The following ZC3H12B variants were observed in gnomAD, a reference collection of about 807,000 sequenced individuals.
ZC3H12B encodes probable ribonuclease ZC3H12B.
A neutral mutation model predicts 43.9 loss-of-function variants in ZC3H12B; 7 were observed. The observed-to-expected ratio is 0.16, with a 90% CI of 0.09 to 0.30. The LOEUF is 0.30. Among genes scored for constraint, ZC3H12B ranks in the 10% least tolerant of loss-of-function variants. The pLI is 1.00. For missense variants in ZC3H12B, 475 were observed against 670.2 expected, an observed-to-expected ratio of 0.71 and a Z score of 3.22; for synonymous variants, 222 against 241.7, an observed-to-expected ratio of 0.92 and a Z score of 0.76.
chrX:65,213,138 A>G, the ZC3H12B span, among the ~76,000 whole-genome samples: 1 of 109,292 alleles, frequency 9.1e-6, no homozygotes, highest in Non-Finnish European at 1.9e-5. Context: ...CTGTGCATAT[A>G]TTATAAAATT....
At chrX:65,398,992 G>A (rs1341424952) in intron 3 of ZC3H12B, among the ~76,000 whole-genome samples, 1 of 111,960 alleles carries the variant, frequency 8.9e-6, no homozygotes, top group African/African-American at 3.2e-5. Flanking sequence ...AATGAAATTA[G>A]ATCCCGGTCT....
At chrX:65,270,532 G>C in the ZC3H12B span, among the ~76,000 whole-genome samples, 1 of 110,903 alleles carries the variant, frequency 9.0e-6, no homozygotes, top group Non-Finnish European at 1.9e-5. Flanking sequence ...ATAAATAAAT[G>C]GGACTACCTC....
chrX:65,293,674 G>A, the ZC3H12B span, among the ~76,000 whole-genome samples: 3 of 109,697 alleles, frequency 2.7e-5, no homozygotes, highest in Non-Finnish European at 5.7e-5. Context: ...CACAAATTCT[G>A]GAAATCAAGG....
At chrX:65,064,853 T>G in the ZC3H12B span, among the ~76,000 whole-genome samples, 3 of 112,314 alleles carry the variant, frequency 2.7e-5, no homozygotes, top group African/African-American at 6.5e-5. Context: ...ATATTTAGGA[T>G]AGTTAGCTCT....
chrX:65,078,064 A>G, the ZC3H12B span, among the ~76,000 whole-genome samples: 3 of 111,776 alleles, frequency 2.7e-5, no homozygotes, highest in Non-Finnish European at 5.6e-5. Flanking sequence ...ATGTGAGAGA[A>G]AGAGATTCAA....
chrX:65,131,228 G>A, the ZC3H12B span, among the ~76,000 whole-genome samples: 1 of 111,461 alleles, frequency 9.0e-6, no homozygotes, highest in African/African-American at 3.3e-5. Context: ...AGCATAGCCT[G>A]CCTTTGCTGG....
the ZC3H12B span, among the ~76,000 whole-genome samples, chrX:65,043,950 GT>G: frequency 9.0e-6 from 1 of 111,682 alleles, no homozygotes; most frequent in African/African-American, 3.3e-5. Context: ...TTTATTGAGC[GT>G]TGCTACATGC....
the ZC3H12B span, among the ~76,000 whole-genome samples, chrX:65,134,029 T>A: frequency 5.4e-5 from 6 of 111,165 alleles, no homozygotes; most frequent in Non-Finnish European, 1.1e-4. Flanking sequence ...CCAAGCAGTG[T>A]TGCAGAAGAA....
chrX:65,383,710 A>T (rs2066478100), intron 2 of ZC3H12B, among the ~76,000 whole-genome samples: 1 of 111,345 alleles, frequency 9.0e-6, no homozygotes, highest in African/African-American at 3.3e-5. Flanking sequence ...CTCATCTGAC[A>T]AAGGGCTAAT....
the ZC3H12B span, among the ~76,000 whole-genome samples, chrX:65,252,147 G>T: frequency 1.8e-5 from 2 of 111,708 alleles, no homozygotes; most frequent in Admixed American, 9.5e-5. Flanking sequence ...TAGCATGAAG[G>T]GCTGTTGAAT....
the ZC3H12B span, among the ~76,000 whole-genome samples, chrX:65,094,787 C>A: frequency 8.9e-6 from 1 of 111,822 alleles, no homozygotes; most frequent in Non-Finnish European, 1.9e-5. Context: ...ATTTAATATT[C>A]TTTGTGAGAA....
At chrX:65,196,930 C>T in the ZC3H12B span, among the ~76,000 whole-genome samples, 1 of 111,637 alleles carries the variant, frequency 9.0e-6, no homozygotes, top group Non-Finnish European at 1.9e-5. Flanking sequence ...TTAGCCTGCC[C>T]AGTAATGCAA....
the ZC3H12B span, among the ~76,000 whole-genome samples, chrX:65,071,306 T>C: frequency 1.0e-5 from 1 of 99,357 alleles, no homozygotes; most frequent in African/African-American, 4.6e-5. Context: ...TTTTTTTTTT[T>C]CTTAGTAGAT....
chrX:65,158,753 C>A, the ZC3H12B span, among the ~76,000 whole-genome samples: 1 of 111,708 alleles, frequency 9.0e-6, no homozygotes, highest in East Asian at 2.8e-4. Context: ...GTTTCTTTTG[C>A]TGTGCAGAAG....
intron 3 of ZC3H12B, among the ~76,000 whole-genome samples, chrX:65,473,000 A>ATATATATATATATATATATATATG (rs2067946639): frequency 3.3e-4 from 26 of 78,613 alleles, no homozygotes; most frequent in African/African-American, 1.9e-3. Context: ...ATATATATGT[A>ATATATATATATATATATATATATG]TATATATATA....
At chrX:65,458,062 TAAAAAAAAAAAAAAAAAAAAATTAAA>T (rs2067658476) in intron 3 of ZC3H12B, among the ~76,000 whole-genome samples, 1 of 15,873 alleles carries the variant, frequency 6.3e-5, no homozygotes, top group African/African-American at 2.4e-4. Flanking sequence ...GAATGATCAA[TAAAAAAAAAAAAAAAAAAAAATTAAA>T]AAAAAAAAAA....
At chrX:65,165,457 G>T in the ZC3H12B span, among the ~76,000 whole-genome samples, 1 of 111,843 alleles carries the variant, frequency 8.9e-6, no homozygotes, top group Non-Finnish European at 1.9e-5. Flanking sequence ...AGGCCCCGGT[G>T]TGGGATGTTC....
chrX:65,425,800 G>A (rs749495676), intron 3 of ZC3H12B, among the ~76,000 whole-genome samples: 1 of 111,595 alleles, frequency 9.0e-6, no homozygotes, highest in Non-Finnish European at 1.9e-5. Context: ...CTGGCATCCT[G>A]GGGATGAAGC....
At chrX:65,070,824 T>G in the ZC3H12B span, among the ~76,000 whole-genome samples, 1 of 104,976 alleles carries the variant, frequency 9.5e-6, no homozygotes, top group African/African-American at 3.4e-5. Flanking sequence ...CTGTTTTTTT[T>G]TTTTTTTTTT....
Sources: gnomAD v4.1 joint callset for allele counts (sites outside exome capture counted in the v4.1 genomes callset) on GRCh38, gnomAD v4.1.1 for gene constraint, MANE v1.5 for transcripts, NCBI Gene and HGNC (gene_info 2026-07-23, HGNC 2026-07-21) for gene names.